Variants in CCR2 observed in about 807,000 individuals in gnomAD.
CCR2 encodes the protein C-C chemokine receptor type 2.
For missense variants in CCR2, 408 were observed against 440.0 expected, an observed-to-expected ratio of 0.93 and a Z score of 0.65; for synonymous variants, 183 against 177.1, an observed-to-expected ratio of 1.03 and a Z score of -0.27.
At position 46,358,749 on chromosome 3, in the gene CCR2, C is replaced by G; in HGVS notation, c.*139C>G. ...TCAGGGCTGTGTGTACTAATACAGA[C>G]TATGTCACCCAATGCATATCCAACA... On this transcript the variant is annotated 3_prime_UTR_variant, in exon 2 of 2. Coordinates refer to ENST00000445132, the MANE Select transcript of CCR2 (RefSeq NM_001123396.4). 1.4e-6 allele frequency: 2 copies of G among 1,443,328 alleles called. No individual in the cohort carries two copies. The highest frequency in any genetic ancestry group is 1.8e-6 in the Non-Finnish European group (2 of 1,096,486). 89.4% of individuals were successfully genotyped at this position (1,443,328 alleles called of 1,614,324 possible).
chr3:46,357,856 A>C lies in CCR2; in HGVS notation c.329A>C (p.Asn110Thr), dbSNP rs1258650932. 6.2e-7 allele frequency: 1 copy of C among 1,614,110 alleles called. No individual in the cohort carries two copies. The highest frequency in any genetic ancestry group is 8.5e-7 in the Non-Finnish European group (1 of 1,180,034). Residue 110 changes from asparagine to threonine, a missense_variant, in exon 2 of 2, where the codon AAT (asparagine) becomes ACT (threonine). By Grantham distance (65) the Asn-to-Thr change is moderately conservative (BLOSUM62 0). Transcript: ENST00000445132. ...GCTGCAAATGAGTGGGTCTTTGGGA[A>C]TGCAATGTGCAAATTATTCACAGGG... ...HSAANEWVFG[N>T]AMCKLFTGLY...
chr3:46,358,837 C>T lies in CCR2; in HGVS notation c.*227C>T. 1 of 1,307,830 alleles carries T rather than the reference C, an allele frequency of 7.6e-7. No homozygotes were observed. Among genetic ancestry groups the T allele is most frequent in the East Asian group, 3.1e-5 (1 of 32,258 alleles). 81.0% of individuals were successfully genotyped at this position (1,307,830 alleles called of 1,614,324 possible). A position where few individuals can be genotyped will look rare whatever the true frequency, so the allele number is the denominator to read the frequency against. On this transcript the variant is annotated 3_prime_UTR_variant, in exon 2 of 2. Transcript: ENST00000445132. The stretch of plus-strand genomic sequence containing the variant: ...GACTTTGACTCTCCAGAAAGCTCAT[C>T]TCAGCTCCTGAAAAATGCCTCATTA...
At position 46,359,832 on chromosome 3, in the gene CCR2, C is replaced by G; in HGVS notation, c.*1222C>G. On this transcript the variant is annotated 3_prime_UTR_variant, in exon 2 of 2. Transcript: ENST00000445132. ...AAGTCAATTGGCAGAGCCCCTGAAG[C>G]CAGTCTTCAGGACAAAGAAGGAGCC... 6.2e-7 allele frequency: 1 copy of G among 1,613,944 alleles called. No homozygotes were observed. Among genetic ancestry groups the G allele is most frequent in the South Asian group, 1.1e-5 (1 of 91,060 alleles).
chr3:46,359,342 T>G lies in CCR2; in HGVS notation c.*732T>G. The G allele has an allele frequency of 9.6e-7, 1 of 1,038,562 alleles. No homozygotes were observed. The highest frequency in any genetic ancestry group is 1.2e-6 in the Non-Finnish European group (1 of 857,204). 64.3% of individuals were successfully genotyped at this position (1,038,562 alleles called of 1,614,324 possible). ...AGATGCTTCTTAGGCCACATCCCCCTGTCTAAAAATTCAGAAAATTTTTGT... is the reference window on the plus strand; with the variant it reads ...AGATGCTTCTTAGGCCACATCCCCCGGTCTAAAAATTCAGAAAATTTTTGT... On this transcript the variant is annotated 3_prime_UTR_variant, in exon 2 of 2. Transcript: ENST00000445132.
Position 46,358,711 on chromosome 3 carries a change from G to T in CCR2, c.*101G>T, listed in dbSNP as rs1448138084. On this transcript the variant is annotated 3_prime_UTR_variant, in exon 2 of 2. Coordinates refer to ENST00000445132, the MANE Select transcript of CCR2 (RefSeq NM_001123396.4). ...TGAACAATAGAAACCTGTAAAGCAG[G>T]TGCCCAGGAACCTCAGGGCTGTGTG... is the stretch of plus-strand genomic sequence containing the variant. 2 of 1,471,154 alleles carry T rather than the reference G, an allele frequency of 1.4e-6. No homozygotes were observed. The highest frequency in any genetic ancestry group is 5.0e-5 in the East Asian group (2 of 40,390). 91.1% of individuals were successfully genotyped at this position (1,471,154 alleles called of 1,614,324 possible). A position where few individuals can be genotyped will look rare whatever the true frequency, so the allele number is the denominator to read the frequency against.
Position 46,358,942 on chromosome 3 carries a change from GC to G in CCR2, c.*334del, listed in dbSNP as rs1427953108. 1 of 1,069,792 alleles carries G rather than the reference GC, an allele frequency of 9.3e-7. No individual in the cohort carries two copies. The highest frequency in any genetic ancestry group is 1.1e-6 in the Non-Finnish European group (1 of 872,776). 66.3% of individuals were successfully genotyped at this position (1,069,792 alleles called of 1,614,324 possible). Reference sequence around the variant, plus strand: ...TTCTGTCAATGTCTTGAAATCAAGGGCCAGCTGGAGGTGAAGAAGAGAATGT... The same window carrying G: ...TTCTGTCAATGTCTTGAAATCAAGGGCAGCTGGAGGTGAAGAAGAGAATGT... On this transcript the variant is annotated 3_prime_UTR_variant, in exon 2 of 2. Transcript: ENST00000445132.
In CCR2 at chr3:46,358,571, G is replaced by A. The variant is rs3092960; in HGVS notation, c.1044G>A (p.Thr348=). The A allele has an allele frequency of 0.13, 203,719 of 1,601,034 alleles. 14,739 individuals are homozygous for A. The highest frequency in any genetic ancestry group is 0.15 in the Non-Finnish European group (173,474 of 1,173,104). ...TGGATGGAGTGACTTCAACAAACAC[G>A]CCTTCCACTGGGGAGCAGGAAGTCT... ...ETVDGVTSTN[T]PSTGEQEVSA... The change falls in exon 2 of 2, where the codon ACG becomes ACA. Residue 348 remains threonine (T), a synonymous_variant. Coordinates refer to ENST00000445132, the MANE Select transcript of CCR2 (RefSeq NM_001123396.4).
chr3:46,355,605 G>C (rs1486920221), intron 1 of CCR2, among the ~76,000 whole-genome samples: 1 of 152,206 alleles, frequency 6.6e-6, no homozygotes, highest in African/African-American at 2.4e-5. Flanking sequence ...CATGGCTTGA[G>C]ATGAGCCATG....
intron 1 of CCR2, among the ~76,000 whole-genome samples, chr3:46,357,006 T>G (rs1701465816): frequency 6.6e-6 from 1 of 151,944 alleles, no homozygotes; most frequent in Non-Finnish European, 1.5e-5. Flanking sequence ...TGGCTTCTCA[T>G]GGTTCTCTAG....
At position 46,358,117 on chromosome 3, in the gene CCR2, G is replaced by A. The variant is rs868594655; in HGVS notation, c.590G>A (p.Gly197Glu). Residue 197 changes from glycine (G) to glutamate (E), a missense_variant, in exon 2 of 2, where the codon GGA becomes GAA. Gly to Glu is a moderately conservative substitution (Grantham distance 98). Coordinates refer to ENST00000445132, the MANE Select transcript of CCR2 (RefSeq NM_001123396.4). ...GTCTGTGGCCCTTATTTTCCACGAGGATGGAATAATTTCCACACAATAATG... is the reference window on the plus strand; with the variant it reads ...GTCTGTGGCCCTTATTTTCCACGAGAATGGAATAATTTCCACACAATAATG... ...VYVCGPYFPR[G>E]WNNFHTIMRN... The A allele has an allele frequency of 6.2e-7, 1 of 1,614,134 alleles. No homozygotes were observed. Among genetic ancestry groups the A allele is most frequent in the Non-Finnish European group, 8.5e-7 (1 of 1,180,002 alleles).
In CCR2 at chr3:46,357,770, G is replaced by C. The variant is rs762527291; in HGVS notation, c.243G>C (p.Leu81=). The C allele has an allele frequency of 1.2e-6, 2 of 1,614,152 alleles. No homozygotes were observed. Among genetic ancestry groups the C allele is most frequent in the Non-Finnish European group, 1.7e-6 (2 of 1,180,028 alleles). Residue 81 remains leucine (L), a synonymous_variant, in exon 2 of 2, where the codon CTG becomes CTC. Coordinates refer to ENST00000445132, the MANE Select transcript of CCR2 (RefSeq NM_001123396.4). ...TGAAGTGCTTGACTGACATTTACCTGCTCAACCTGGCCATCTCTGATCTGC... is the reference window on the plus strand; with the variant it reads ...TGAAGTGCTTGACTGACATTTACCTCCTCAACCTGGCCATCTCTGATCTGC... ...KKLKCLTDIY[L]LNLAISDLLF...
In CCR2 at chr3:46,358,014, A is replaced by T; in HGVS notation, c.487A>T (p.Ile163Phe). The T allele has an allele frequency of 6.2e-7, 1 of 1,614,190 alleles. No individual in the cohort carries two copies. Among genetic ancestry groups the T allele is most frequent in the East Asian group, 2.2e-5 (1 of 44,890 alleles). ...TVTFGVVTSV[I>F]TWLVAVFASV... ...CACCTTTGGGGTGGTGACAAGTGTG[A>T]TCACCTGGTTGGTGGCTGTGTTTGC... The change falls in exon 2 of 2, where the codon ATC becomes TTC. Residue 163 changes from isoleucine (I) to phenylalanine (F), a missense_variant. Transcript: ENST00000445132.
chr3:46,358,533 T>A lies in CCR2; in HGVS notation c.1006T>A (p.Tyr336Asn). 6.2e-7 allele frequency: 1 copy of A among 1,612,606 alleles called. No individual in the cohort carries two copies. The highest frequency in any genetic ancestry group is 1.3e-5 in the African/African-American group (1 of 75,028). ...CTTCTGCAAACAATGTCCAGTTTTC[T>A]ACAGGGAGACAGTGGATGGAGTGAC... ...KRFCKQCPVF[Y>N]RETVDGVTST... The change falls in exon 2 of 2, where the codon TAC becomes AAC. Residue 336 changes from tyrosine (Y) to asparagine (N), a missense_variant. By Grantham distance (143) the Tyr-to-Asn change is moderately radical (BLOSUM62 -2). Coordinates refer to ENST00000445132, the MANE Select transcript of CCR2 (RefSeq NM_001123396.4).
intron 1 of CCR2, among the ~76,000 whole-genome samples, chr3:46,356,603 T>G (rs1283879069): frequency 6.6e-6 from 1 of 152,034 alleles, no homozygotes; most frequent in East Asian, 1.9e-4. Context: ...AGTTAGAACG[T>G]TTTTGACTTC....
intron 1 of CCR2, among the ~76,000 whole-genome samples, chr3:46,356,708 A>G (rs1701458931): frequency 6.6e-6 from 1 of 152,138 alleles, no homozygotes; most frequent in Admixed American, 6.5e-5. Flanking sequence ...TCAGGAGGTC[A>G]AGAGACCGAG....
At position 46,358,000 on chromosome 3, in the gene CCR2, T is replaced by G; in HGVS notation, c.473T>G (p.Val158Gly). The change falls in exon 2 of 2, where the codon GTG becomes GGG. Residue 158 changes from valine to glycine, a missense_variant. Physicochemically the swap from Val to Gly is moderately radical, Grantham distance 109. Coordinates refer to ENST00000445132, the MANE Select transcript of CCR2 (RefSeq NM_001123396.4). ...ALKARTVTFG[V>G]VTSVITWLVA... ...AAAGCCAGGACGGTCACCTTTGGGG[T>G]GGTGACAAGTGTGATCACCTGGTTG... 1 of 1,614,204 alleles carries G rather than the reference T, an allele frequency of 6.2e-7. No individual in the cohort carries two copies.
chr3:46,360,862 T>C lies in CCR2; in HGVS notation c.*2252T>C, dbSNP rs1288116024. 1 of 152,244 alleles carries C rather than the reference T, an allele frequency of 6.6e-6. No individual in the cohort carries two copies. Among genetic ancestry groups the C allele is most frequent in the Non-Finnish European group, 1.5e-5 (1 of 68,032 alleles). The allele number at this position is 152,244 out of a possible 1,614,324, so 9.4% of individuals were successfully genotyped here. On this transcript the variant is annotated 3_prime_UTR_variant, in exon 2 of 2. Coordinates refer to ENST00000445132, the MANE Select transcript of CCR2 (RefSeq NM_001123396.4). ...AAATGTTAAGTTGATGGTGATGAAA[T>C]GTAAATACTGTTTTTAACAACTATG...
Position 46,359,726 on chromosome 3 carries a change from G to C in CCR2, c.*1116G>C, listed in dbSNP as rs772867652. On this transcript the variant is annotated 3_prime_UTR_variant, in exon 2 of 2. Transcript: ENST00000445132. ...TAGGATTGCCCCACTCCAAAAACCA[G>C]TGTGTGGAGGTCCAGGAGTGAGACC... 8.7e-6 allele frequency: 14 copies of C among 1,614,004 alleles called. No individual in the cohort carries two copies. The highest frequency in any genetic ancestry group is 1.2e-5 in the Non-Finnish European group (14 of 1,180,000).
At chr3:46,357,339 G>A (rs1701472037) in intron 1 of CCR2, 138 bp from the exon 2 acceptor site, 1 of 623,064 alleles carries the variant, frequency 1.6e-6, no homozygotes, top group Non-Finnish European at 2.8e-6. Flanking sequence ...TCAGGAACTG[G>A]CACACATGCT....
Sources: gnomAD v4.1 joint callset for allele counts (sites outside exome capture counted in the v4.1 genomes callset) on GRCh38, gnomAD v4.1.1 for gene constraint, MANE v1.5 for transcripts, NCBI Gene and HGNC (gene_info 2026-07-23, HGNC 2026-07-21) for gene names.